The following TMEM135 variants were observed in gnomAD, a reference collection of about 807,000 sequenced individuals.
TMEM135 encodes peroxisomal membrane protein 52.
Under a neutral mutation model 60.3 loss-of-function variants are expected in TMEM135, and 30 were observed. That is an observed-to-expected ratio of 0.50 (90% CI 0.37 to 0.68). TMEM135 has a LOEUF of 0.68. TMEM135 is among the 30% of genes least tolerant of loss of function. The pLI, the probability that TMEM135 is intolerant of heterozygous loss-of-function variation, is 0.00. For synonymous variants in TMEM135, 190 were observed against 186.7 expected (o/e 1.02, Z -0.14); for missense variants, 468 against 548.8 (o/e 0.85, Z 1.47).
At chr11:87,072,209 TAAAC>T (rs1302707178) in intron 3 of TMEM135, among the ~76,000 whole-genome samples, 1 of 151,994 alleles carries the variant, frequency 6.6e-6, no homozygotes, top group Non-Finnish European at 1.5e-5. Flanking sequence ...AACAAGCAAA[TAAAC>T]AAACAAATTA....
intron 4 of TMEM135, among the ~76,000 whole-genome samples, chr11:87,110,285 A>G (rs565796361): frequency 1.6e-4 from 24 of 152,252 alleles, no homozygotes; most frequent in Non-Finnish European, 2.8e-4. Context: ...CTAGCTCTAG[A>G]GTTAGATGGA....
At chr11:87,320,041 G>A (rs1207199850) in intron 14 of TMEM135, among the ~76,000 whole-genome samples, 1 of 152,114 alleles carries the variant, frequency 6.6e-6, no homozygotes, top group Admixed American at 6.6e-5. Context: ...GTAGCGCTGG[G>A]TAAATTGCAT....
intron 5 of TMEM135, among the ~76,000 whole-genome samples, chr11:87,222,770 A>T (rs1940667823): frequency 6.6e-6 from 1 of 152,002 alleles, no homozygotes; most frequent in African/African-American, 2.4e-5. Context: ...ATGCCATTGC[A>T]CTCCAGCCTG....
rs1942535116 is a variant in TMEM135, at chr11:87,305,920, T to G, written c.699-16T>G. The G allele has an allele frequency of 6.2e-7, 1 of 1,600,252 alleles. No homozygotes were observed. ...TTTAATTATAATTAGTTTAATTTTT[T>G]TGGGTTCAATTTCAGATGCAAACAT... On this transcript the variant is annotated splice_polypyrimidine_tract_variant and intron_variant, in intron 8 of 14. Transcript: ENST00000305494.
intron 1 of TMEM135, among the ~76,000 whole-genome samples, chr11:87,060,879 TG>T (rs1949940105): frequency 1.3e-5 from 2 of 152,156 alleles, no homozygotes; most frequent in Non-Finnish European, 2.9e-5. Context: ...CCTGACCTCG[TG>T]ATCTGCCCGC....
chr11:87,069,397 G>A (rs1486802280), intron 2 of TMEM135, among the ~76,000 whole-genome samples: 1 of 151,642 alleles, frequency 6.6e-6, no homozygotes, highest in Admixed American at 6.6e-5. Context: ...CTATGAACCT[G>A]TTTGGTTAAG....
In TMEM135 at chr11:87,060,680, T is replaced by G. The variant is rs1354637400; in HGVS notation, c.142-7014T>G. ...TTTTTTGAGACGGAGTCTCGCTCTGTCACCCAGGCTGGATTGCAGTGGCGT... is the reference window on the plus strand; with the variant it reads ...TTTTTTGAGACGGAGTCTCGCTCTGGCACCCAGGCTGGATTGCAGTGGCGT... On this transcript the variant is annotated intron_variant, in intron 1 of 14. Transcript: ENST00000305494. Among the ~76,000 whole-genome samples the G allele has an allele frequency of 2.6e-5, 4 of 151,532 alleles. No individual in the cohort carries two copies. The East Asian group carries it at 7.7e-4, about 29-fold the overall frequency.
At chr11:87,069,284 C>CAAAAAAAA (rs778885228) in intron 2 of TMEM135, among the ~76,000 whole-genome samples, 12 of 62,522 alleles carry the variant, frequency 1.9e-4, no homozygotes, top group Non-Finnish European at 2.4e-4. Flanking sequence ...GACTCCGTCT[C>CAAAAAAAA]AAAAAAAAAA....
chr11:87,069,208 C>A (rs1217082580), intron 2 of TMEM135, among the ~76,000 whole-genome samples: 1 of 146,414 alleles, frequency 6.8e-6, no homozygotes, highest in Non-Finnish European at 1.5e-5. Context: ...ATTGCTTGAA[C>A]CCGGGAGGCG....
chr11:87,246,695 A>G (rs968862723), intron 6 of TMEM135, among the ~76,000 whole-genome samples: 2 of 143,014 alleles, frequency 1.4e-5, no homozygotes, highest in Non-Finnish European at 3.1e-5. Flanking sequence ...CTTGGCTTTC[A>G]GCTCCATCAG....
chr11:87,122,309 G>GT (rs11367827), intron 4 of TMEM135, among the ~76,000 whole-genome samples: 9,856 of 110,266 alleles, frequency 0.089, 543 homozygotes, highest in African/African-American at 0.14. Context: ...GTTTTGCTAG[G>GT]TTTTTTTTTT....
intron 13 of TMEM135, among the ~76,000 whole-genome samples, chr11:87,318,794 T>A (rs996292149): frequency 6.6e-6 from 1 of 152,106 alleles, no homozygotes; most frequent in Non-Finnish European, 1.5e-5. Flanking sequence ...TTAAAACTAA[T>A]GAAGTATCAA....
At chr11:87,074,440 G>A (rs1856831649) in intron 3 of TMEM135, among the ~76,000 whole-genome samples, 1 of 151,976 alleles carries the variant, frequency 6.6e-6, no homozygotes, top group African/African-American at 2.4e-5. Flanking sequence ...TGTGTATATT[G>A]GTTTTGAAAA....
intron 4 of TMEM135, chr11:87,121,004 G>A (rs547075250): frequency 2.2e-4 from 33 of 152,278 alleles, no homozygotes; most frequent in Admixed American, 1.8e-3. Flanking sequence ...TGAGATGTAG[G>A]TACCATTCAA....
chr11:87,113,078 A>G lies in TMEM135; in HGVS notation c.396+21683A>G, dbSNP rs77069360. On this transcript the variant is annotated intron_variant, in intron 4 of 14. Coordinates refer to ENST00000305494, the MANE Select transcript of TMEM135 (RefSeq NM_022918.4). ...ATGGCTTAAATGTATAGGAAAAAGTATCTTATTTAGAATATGTCTCTAAGG... is the reference window on the plus strand; with the variant it reads ...ATGGCTTAAATGTATAGGAAAAAGTGTCTTATTTAGAATATGTCTCTAAGG... 8.3e-3 allele frequency among the ~76,000 whole-genome samples: 1,267 copies of G among 152,246 alleles called. 7 individuals are homozygous for G. The highest frequency in any genetic ancestry group is 0.013 in the Non-Finnish European group (887 of 67,940).
chr11:87,234,917 A>C lies in TMEM135; in HGVS notation c.463-1721A>C, dbSNP rs529176174. Among the ~76,000 whole-genome samples the C allele has an allele frequency of 2.4e-4, 36 of 152,162 alleles. No individual in the cohort carries two copies. In the South Asian group the frequency reaches 7.5e-3, roughly 32 times the overall value. On this transcript the variant is annotated intron_variant, in intron 5 of 14. Transcript: ENST00000305494. ...AAGGCAGACTTTGGATATTTAGAGA[A>C]GATGAAGAGTGTGTGAAAGATTTGT...
At chr11:87,301,450 C>G (rs1349053737) in intron 7 of TMEM135, among the ~76,000 whole-genome samples, 1 of 152,066 alleles carries the variant, frequency 6.6e-6, no homozygotes, top group African/African-American at 2.4e-5. Context: ...GGTGGGGTCT[C>G]ACTTTGGTGA....
At chr11:87,295,213 T>G (rs892437402) in intron 6 of TMEM135, among the ~76,000 whole-genome samples, 12 of 152,198 alleles carry the variant, frequency 7.9e-5, no homozygotes, top group African/African-American at 2.7e-4. Flanking sequence ...TAGAGTCCTG[T>G]CTTTCTGCTC....
intron 5 of TMEM135, among the ~76,000 whole-genome samples, chr11:87,219,657 C>G (rs899232799): frequency 6.6e-6 from 1 of 152,162 alleles, no homozygotes; most frequent in Non-Finnish European, 1.5e-5. Context: ...ACAGCCATCT[C>G]TTCAAATACA....
Sources: allele counts gnomAD v4.1 joint callset (sites outside exome capture counted in the v4.1 genomes callset), GRCh38; gene constraint gnomAD v4.1.1; transcripts MANE v1.5; gene names NCBI Gene and HGNC (gene_info 2026-07-23, HGNC 2026-07-21).